Variants in SNX4 observed in about 807,000 individuals in gnomAD.
The protein encoded by SNX4 is sorting nexin 4.
A neutral mutation model predicts 70.8 loss-of-function variants in SNX4; 49 were observed. The observed-to-expected ratio is 0.69, with a 90% confidence interval of 0.55 to 0.88. SNX4 has a LOEUF of 0.88. Ranked by LOEUF, SNX4 falls within the 40% of genes least tolerant of loss-of-function variation. The probability of loss-of-function intolerance (pLI) is 0.00; values close to 1 mark genes in which losing one functional copy is unlikely to be tolerated. For missense variants in SNX4, 528 were observed against 544.8 expected (o/e 0.97, Z 0.31); for synonymous variants, 206 against 183.8 (o/e 1.12, Z -0.98).
intron 8 of SNX4, among the ~76,000 whole-genome samples, chr3:125,472,721 CA>C (rs1327733379): frequency 1.3e-5 from 2 of 151,998 alleles, no homozygotes; most frequent in Non-Finnish European, 2.9e-5. Context: ...TCCAATCCCC[CA>C]AAAGAGAATT....
intron 2 of SNX4, among the ~76,000 whole-genome samples, chr3:125,502,524 G>C (rs1375820273): frequency 6.6e-6 from 1 of 152,044 alleles, no homozygotes; most frequent in Non-Finnish European, 1.5e-5. Flanking sequence ...ACTAAGGCAA[G>C]CTCACAGGTA....
intron 5 of SNX4, among the ~76,000 whole-genome samples, chr3:125,495,761 C>G (rs2107558540): frequency 6.6e-6 from 1 of 152,220 alleles, no homozygotes; most frequent in East Asian, 1.9e-4. Flanking sequence ...GACTTAATGA[C>G]TAGAATTTTT....
chr3:125,459,181 T>TA (rs922213675), intron 10 of SNX4, among the ~76,000 whole-genome samples: 28 of 151,446 alleles, frequency 1.8e-4, no homozygotes, highest in African/African-American at 3.1e-4. Flanking sequence ...CTCAAAAAAA[T>TA]AAAAAAAACA....
intron 1 of SNX4, 45 bp from the exon 2 acceptor site, chr3:125,504,789 A>C (rs1298394519): frequency 6.3e-7 from 1 of 1,591,308 alleles, no homozygotes. Flanking sequence ...AAAACCTTTA[A>C]GATGGTACTG....
intron 8 of SNX4, among the ~76,000 whole-genome samples, chr3:125,474,160 G>A (rs545379337): frequency 2.6e-5 from 4 of 152,194 alleles, no homozygotes; most frequent in African/African-American, 7.2e-5. Flanking sequence ...GTTACCGTAT[G>A]CTGAATGACT....
chr3:125,476,892 AATCCC>A, intron 7 of SNX4, 136 bp from the exon 8 acceptor site: 1 of 559,214 alleles, frequency 1.8e-6, no homozygotes, highest in Non-Finnish European at 3.2e-6. Context: ...AATCTCCAAA[AATCCC>A]ATCCCCCTAA....
intron 9 of SNX4, among the ~76,000 whole-genome samples, chr3:125,465,367 T>C (rs1175250967): frequency 6.6e-6 from 1 of 151,956 alleles, no homozygotes; most frequent in East Asian, 1.9e-4. Flanking sequence ...TGCCTCAGCC[T>C]CCTGAGTAGC....
At chr3:125,452,302 G>A (rs1414862210) in intron 12 of SNX4, among the ~76,000 whole-genome samples, 1 of 152,090 alleles carries the variant, frequency 6.6e-6, no homozygotes, top group Non-Finnish European at 1.5e-5. Flanking sequence ...CACCATGTTG[G>A]CCAGGCTGGT....
At chr3:125,503,608 T>TC in intron 2 of SNX4, among the ~76,000 whole-genome samples, 1 of 152,308 alleles carries the variant, frequency 6.6e-6, no homozygotes, top group South Asian at 2.1e-4. Context: ...CTCCCAACTG[T>TC]CCTAAGAGGA....
intron 10 of SNX4, 133 bp downstream of exon 10, chr3:125,460,638 C>T: frequency 4.4e-6 from 2 of 454,322 alleles, no homozygotes; most frequent in Non-Finnish European, 4.0e-6. Flanking sequence ...CAGAGAAATA[C>T]AATGAGACCT....
chr3:125,487,722 T>C (rs1246339487), intron 6 of SNX4, among the ~76,000 whole-genome samples: 1 of 149,498 alleles, frequency 6.7e-6, no homozygotes, highest in African/African-American at 2.5e-5. Context: ...AAGAAGCCAA[T>C]CTCAATGTTG....
At chr3:125,510,793 G>C (rs1021409335) in intron 1 of SNX4, among the ~76,000 whole-genome samples, 1 of 152,182 alleles carries the variant, frequency 6.6e-6, no homozygotes, top group African/African-American at 2.4e-5. Flanking sequence ...GGTTTAACAG[G>C]TACAATTTCA....
intron 8 of SNX4, among the ~76,000 whole-genome samples, chr3:125,471,285 G>A (rs535485818): frequency 7.0e-5 from 10 of 143,510 alleles, no homozygotes; most frequent in South Asian, 2.2e-4. Context: ...CAGAGGTTGC[G>A]GTGAGCCGAG....
intron 8 of SNX4, among the ~76,000 whole-genome samples, chr3:125,472,948 C>G (rs1484773260): frequency 6.6e-6 from 1 of 151,986 alleles, no homozygotes; most frequent in African/African-American, 2.4e-5. Flanking sequence ...CAGCCCCAGC[C>G]TCTTCTCAAA....
At chr3:125,514,154 T>C (rs985095863) in intron 1 of SNX4, among the ~76,000 whole-genome samples, 1 of 152,010 alleles carries the variant, frequency 6.6e-6, no homozygotes, top group Admixed American at 6.6e-5. Context: ...TTTCAACATA[T>C]GAATTTTGGG....
At position 125,495,283 on chromosome 3, in the gene SNX4, T is replaced by C. The variant is rs368910006; in HGVS notation, c.597+2058A>G. On this transcript the variant is annotated intron_variant, in intron 5 of 13. Transcript: ENST00000251775. ...ATATATATATATATATATATACACA[T>C]ACACACACACACACGTATGTTATTT... 7.1e-3 allele frequency among the ~76,000 whole-genome samples: 625 copies of C among 87,710 alleles called. 11 individuals are homozygous for C. Among genetic ancestry groups the C allele is most frequent in the Non-Finnish European group, 0.014 (505 of 37,140 alleles). 57.5% of individuals were successfully genotyped at this position (87,710 alleles called of 152,430 possible).
intron 6 of SNX4, 32 bp from the exon 7 acceptor site, chr3:125,480,351 T>G: frequency 7.1e-7 from 1 of 1,400,564 alleles, no homozygotes. Flanking sequence ...ACATCGTTTT[T>G]CAAATGAAAA....
At chr3:125,471,352 A>AAC (rs1352653912) in intron 8 of SNX4, among the ~76,000 whole-genome samples, 1 of 125,186 alleles carries the variant, frequency 8.0e-6, no homozygotes, top group African/African-American at 2.8e-5. Flanking sequence ...CTCAAAAAAA[A>AAC]AAAAAAAAAA....
At chr3:125,488,172 T>TA (rs35693375) in intron 6 of SNX4, among the ~76,000 whole-genome samples, 4,855 of 93,480 alleles carry the variant, frequency 0.052, 325 homozygotes, top group African/African-American at 0.15. Context: ...AATAGTCTAT[T>TA]AAAAAAAAAA....
Sources: allele counts gnomAD v4.1 joint callset (sites outside exome capture counted in the v4.1 genomes callset), GRCh38; gene constraint gnomAD v4.1.1; transcripts MANE v1.5; gene names NCBI Gene and HGNC (gene_info 2026-07-23, HGNC 2026-07-21).